COBL: variants seen among roughly 807,000 people sequenced by gnomAD.
COBL encodes cordon-bleu WH2 repeat protein, also known as protein cordon-bleu.
COBL carries 51 observed loss-of-function variants against 98.8 expected under a neutral mutation model. The ratio of observed to expected loss-of-function variants is 0.52; its 90% CI spans 0.41 to 0.65. COBL has a LOEUF of 0.65. Ranked by LOEUF, COBL falls within the 30% of genes least tolerant of loss-of-function variation. The pLI is 0.00. For synonymous variants in COBL, 634 were observed against 651.7 expected, an observed-to-expected ratio of 0.97 and a Z score of 0.41; for missense variants, 1,617 against 1,617.5, an observed-to-expected ratio of 1.00 and a Z score of 0.01.
chr7:51,126,820 A>G (rs1798253491), intron 6 of COBL, among the ~76,000 whole-genome samples: 1 of 152,130 alleles, frequency 6.6e-6, no homozygotes, highest in Non-Finnish European at 1.5e-5. Context: ...GCTGTAGCAG[A>G]ACATCATCCA....
At chr7:51,276,273 G>A (rs1015979565) in intron 1 of COBL, among the ~76,000 whole-genome samples, 4 of 152,170 alleles carry the variant, frequency 2.6e-5, no homozygotes, top group Non-Finnish European at 4.4e-5. Flanking sequence ...GGGGACTGTC[G>A]TGGCAGTAAA....
intron 12 of COBL, 57 bp from the exon 13 acceptor site, chr7:51,017,625 T>C: frequency 1.9e-6 from 3 of 1,579,034 alleles, no homozygotes; most frequent in African/African-American, 1.3e-5. Context: ...AGGATGCAGA[T>C]CTTCTGGTGC....
At chr7:51,292,146 C>CAA (rs796266265) in intron 1 of COBL, among the ~76,000 whole-genome samples, 12 of 84,884 alleles carry the variant, frequency 1.4e-4, no homozygotes, top group Non-Finnish European at 1.5e-4. Context: ...GACTTTGACT[C>CAA]AAAAAAAAAA....
rs895475620 is a variant in COBL, at chr7:51,016,851, G to T, written c.*700C>A. 4.3e-5 allele frequency: 17 copies of T among 398,410 alleles called. No homozygotes were observed. Among genetic ancestry groups the T allele is most frequent in the Non-Finnish European group, 7.1e-5 (16 of 226,256 alleles). 24.7% of individuals were successfully genotyped at this position (398,410 alleles called of 1,614,324 possible). ...GTGACCTCAGCCACCCGCCACCCTT[G>T]CAGGACTCGGGCATGCCCTGGCCAC... On this transcript the variant is annotated 3_prime_UTR_variant, in exon 13 of 13. Coordinates refer to ENST00000265136, the MANE Select transcript of COBL (RefSeq NM_015198.5).
At chr7:51,224,913 G>A (rs1774669303) in intron 1 of COBL, among the ~76,000 whole-genome samples, 1 of 152,188 alleles carries the variant, frequency 6.6e-6, no homozygotes, top group South Asian at 2.1e-4. Context: ...CCGCCTGCAT[G>A]TGGGTGACCT....
Position 51,073,336 on chromosome 7 carries a change from C to T in COBL, c.1096+11830G>A, listed in dbSNP as rs766701658. ...AAAGGTCCGAGGTCAGGAAGAGGCC[C>T]GTCCATCAGAAGCGCTTGGCCTGAG... On this transcript the variant is annotated intron_variant, in intron 7 of 12. Coordinates refer to ENST00000265136, the MANE Select transcript of COBL (RefSeq NM_015198.5). 5.7e-6 allele frequency: 4 copies of T among 696,126 alleles called. No homozygotes were observed. In the Admixed American group the frequency reaches 8.1e-5, roughly 14 times the overall value. The allele number at this position is 696,126 out of a possible 1,614,324, so 43.1% of individuals were successfully genotyped here.
chr7:51,309,894 G>T (rs1359882492), intron 1 of COBL, among the ~76,000 whole-genome samples: 1 of 152,200 alleles, frequency 6.6e-6, no homozygotes, highest in Non-Finnish European at 1.5e-5. Flanking sequence ...GGAGGGCGTG[G>T]GGTGTGAGAG....
chr7:51,266,148 T>A (rs952253672), intron 1 of COBL, among the ~76,000 whole-genome samples: 1 of 152,206 alleles, frequency 6.6e-6, no homozygotes, highest in East Asian at 1.9e-4. Context: ...GTGGGCAAAT[T>A]AATTACAAAA....
intron 1 of COBL, among the ~76,000 whole-genome samples, chr7:51,239,168 G>C (rs180852263): frequency 3.9e-5 from 6 of 152,148 alleles, no homozygotes; most frequent in Non-Finnish European, 7.4e-5. Flanking sequence ...ATTCCATCTC[G>C]AATAGGGGCT....
rs150357451 is a variant in COBL at position 51,091,641 on chromosome 7, A to T, written c.958-6337T>A. ...AATGTCTGACAATTCTCCAAATTGGAGGAAGGAAATAGACATACAAAATTT... is the reference window on the plus strand; with the variant it reads ...AATGTCTGACAATTCTCCAAATTGGTGGAAGGAAATAGACATACAAAATTT... On this transcript the variant is annotated intron_variant, in intron 6 of 12. Coordinates refer to ENST00000265136, the MANE Select transcript of COBL (RefSeq NM_015198.5). Among the ~76,000 whole-genome samples the T allele has an allele frequency of 4.8e-3, 724 of 152,296 alleles. 4 individuals carry two copies. The highest frequency in any genetic ancestry group is 7.2e-3 in the Non-Finnish European group (491 of 68,026).
At chr7:51,234,752 G>T (rs1795084899) in intron 1 of COBL, among the ~76,000 whole-genome samples, 1 of 150,940 alleles carries the variant, frequency 6.6e-6, no homozygotes, top group Non-Finnish European at 1.5e-5. Flanking sequence ...AGAAAGTTCA[G>T]AACACAGAAC....
At chr7:51,094,973 T>C (rs1258742749) in intron 6 of COBL, among the ~76,000 whole-genome samples, 1 of 152,146 alleles carries the variant, frequency 6.6e-6, no homozygotes, top group East Asian at 1.9e-4. Flanking sequence ...GTAATCCTCA[T>C]GGTAAGCACA....
At chr7:51,209,374 G>A (rs773876505) in intron 2 of COBL, among the ~76,000 whole-genome samples, 18 of 152,168 alleles carry the variant, frequency 1.2e-4, no homozygotes, top group Non-Finnish European at 1.9e-4. Context: ...GACACCCCTG[G>A]GAAGTGGGTG....
At chr7:51,171,519 T>C (rs1787876125) in intron 5 of COBL, among the ~76,000 whole-genome samples, 1 of 152,150 alleles carries the variant, frequency 6.6e-6, no homozygotes, top group Non-Finnish European at 1.5e-5. Flanking sequence ...TATCAGTAAA[T>C]CACGTTCAAA....
chr7:51,151,918 C>G (rs1785602153), intron 5 of COBL, among the ~76,000 whole-genome samples: 1 of 152,262 alleles, frequency 6.6e-6, no homozygotes, highest in Non-Finnish European at 1.5e-5. Context: ...CCAGCACCCT[C>G]AGCCGCCTGT....
chr7:51,143,540 T>TA (rs1210598384), intron 5 of COBL, among the ~76,000 whole-genome samples: 1 of 152,170 alleles, frequency 6.6e-6, no homozygotes, highest in Non-Finnish European at 1.5e-5. Context: ...ATGAGCATTT[T>TA]AATAATACCA....
At chr7:51,040,544 C>T (rs1789081543) in intron 8 of COBL, among the ~76,000 whole-genome samples, 1 of 152,226 alleles carries the variant, frequency 6.6e-6, no homozygotes, top group African/African-American at 2.4e-5. Context: ...CTGTGCTGGG[C>T]TTTTCCCAGG....
chr7:51,226,382 C>T (rs4948203), intron 1 of COBL, among the ~76,000 whole-genome samples: 60,548 of 152,042 alleles, frequency 0.4, 13,437 homozygotes, highest in Non-Finnish European at 0.5. Flanking sequence ...ACATAAGCTG[C>T]GTCTGGTTTG....
chr7:51,213,292 G>A (rs1158990824), intron 2 of COBL, among the ~76,000 whole-genome samples: 2 of 152,204 alleles, frequency 1.3e-5, no homozygotes, highest in African/African-American at 4.8e-5. Context: ...GGTGAGCAGT[G>A]AACAAGTAAG....
Sources: gnomAD v4.1 joint callset for allele counts (sites outside exome capture counted in the v4.1 genomes callset) on GRCh38, gnomAD v4.1.1 for gene constraint, MANE v1.5 for transcripts, NCBI Gene and HGNC (gene_info 2026-07-23, HGNC 2026-07-21) for gene names.